ADARB2: variants seen among roughly 807,000 people sequenced by gnomAD.
ADARB2 encodes adenosine deaminase RNA specific B2 (inactive).
ADARB2 carries 25 observed loss-of-function variants against 62.2 expected under a neutral mutation model. That is an observed-to-expected ratio of 0.40 (90% CI 0.29 to 0.56). ADARB2 has a LOEUF of 0.56. ADARB2 is among the 20% of genes least tolerant of loss of function. The pLI is 0.43. For synonymous variants in ADARB2, 572 were observed against 500.8 expected (o/e 1.14, Z -1.90); for missense variants, 1,071 against 1,077.4 (o/e 0.99, Z 0.08).
chr10:1,572,391 C>T (rs757554987), intron 1 of ADARB2, among the ~76,000 whole-genome samples: 7 of 152,128 alleles, frequency 4.6e-5, no homozygotes, highest in South Asian at 2.1e-4. Flanking sequence ...TATGCTGTGA[C>T]GCCACCAGCA....
intron 1 of ADARB2, among the ~76,000 whole-genome samples, chr10:1,633,151 G>C (rs1032876100): frequency 2.6e-5 from 4 of 152,132 alleles, no homozygotes; most frequent in African/African-American, 9.7e-5. Flanking sequence ...GGGCTACACT[G>C]TTGGCTCCCC....
intron 6 of ADARB2, among the ~76,000 whole-genome samples, chr10:1,222,353 C>T (rs1320194690): frequency 1.3e-5 from 2 of 152,118 alleles, no homozygotes; most frequent in Non-Finnish European, 2.9e-5. Flanking sequence ...AATTTTCTCC[C>T]ATTTTGTAGT....
intron 1 of ADARB2, among the ~76,000 whole-genome samples, chr10:1,456,110 A>T (rs1831092302): frequency 6.6e-6 from 1 of 152,218 alleles, no homozygotes; most frequent in African/African-American, 2.4e-5. Flanking sequence ...ATGCATAATT[A>T]AAGATTTAAG....
intron 1 of ADARB2, among the ~76,000 whole-genome samples, chr10:1,435,465 G>A (rs1225247800): frequency 3.3e-5 from 5 of 149,570 alleles, no homozygotes; most frequent in South Asian, 2.1e-4. Context: ...GCTGCCCCGG[G>A]CTGAGCCTCC....
intron 1 of ADARB2, among the ~76,000 whole-genome samples, chr10:1,606,386 G>GC (rs1833494082): frequency 1.3e-5 from 2 of 152,198 alleles, no homozygotes; most frequent in Admixed American, 1.3e-4. Context: ...GGTGAGGAGT[G>GC]TGAAAGAATG....
chr10:1,708,291 CCTGGG>C (rs1319421875), intron 1 of ADARB2, among the ~76,000 whole-genome samples: 1 of 151,954 alleles, frequency 6.6e-6, no homozygotes, highest in African/African-American at 2.4e-5. Flanking sequence ...GAAAAGGGAC[CCTGGG>C]CTCCCAACGC....
chr10:1,658,949 T>C (rs1318435096), intron 1 of ADARB2, among the ~76,000 whole-genome samples: 1 of 152,178 alleles, frequency 6.6e-6, no homozygotes, highest in Non-Finnish European at 1.5e-5. Flanking sequence ...CTGAGATTGA[T>C]TTTTTCCCAG....
At chr10:1,276,400 G>A (rs1564244113) in intron 3 of ADARB2, among the ~76,000 whole-genome samples, 1 of 152,016 alleles carries the variant, frequency 6.6e-6, no homozygotes, top group Non-Finnish European at 1.5e-5. Context: ...TGTAGATTCT[G>A]GATATTAGTC....
intron 1 of ADARB2, among the ~76,000 whole-genome samples, chr10:1,504,733 C>T (rs1186378638): frequency 1.3e-5 from 2 of 152,180 alleles, no homozygotes; most frequent in African/African-American, 4.8e-5. Context: ...TATAAAGCTA[C>T]ATTTTTTTCA....
chr10:1,209,445 T>G (rs1205305131), intron 7 of ADARB2, among the ~76,000 whole-genome samples: 2 of 127,084 alleles, frequency 1.6e-5, no homozygotes, highest in Admixed American at 1.5e-4. Context: ...ACCTACAGCC[T>G]GGCCCACACC....
intron 6 of ADARB2, among the ~76,000 whole-genome samples, chr10:1,220,568 A>T (rs1830686207): frequency 6.6e-6 from 1 of 152,220 alleles, no homozygotes; most frequent in Non-Finnish European, 1.5e-5. Flanking sequence ...AGGAGCCATC[A>T]CACCTAACAG....
At chr10:1,476,427 C>T (rs917163086) in intron 1 of ADARB2, among the ~76,000 whole-genome samples, 1 of 152,178 alleles carries the variant, frequency 6.6e-6, no homozygotes, top group Non-Finnish European at 1.5e-5. Flanking sequence ...CAGTGTCCTG[C>T]GTGGTGACTG....
intron 3 of ADARB2, among the ~76,000 whole-genome samples, chr10:1,280,137 T>C (rs1291777497): frequency 6.6e-6 from 1 of 152,092 alleles, no homozygotes; most frequent in Non-Finnish European, 1.5e-5. Flanking sequence ...AGAACACTAA[T>C]CCCATCAGAT....
intron 1 of ADARB2, among the ~76,000 whole-genome samples, chr10:1,508,084 A>T (rs948535216): frequency 2.0e-5 from 3 of 152,202 alleles, no homozygotes; most frequent in South Asian, 4.1e-4. Context: ...TGCGTTCATC[A>T]GGAAGGTCAA....
At chr10:1,736,168 T>C (rs945383940) in intron 1 of ADARB2, among the ~76,000 whole-genome samples, 5 of 152,206 alleles carry the variant, frequency 3.3e-5, no homozygotes, top group Non-Finnish European at 5.9e-5. Context: ...TAACACAGGT[T>C]CCTCTAGGAG....
At chr10:1,479,382 C>T (rs1404234162) in intron 1 of ADARB2, among the ~76,000 whole-genome samples, 1 of 152,198 alleles carries the variant, frequency 6.6e-6, no homozygotes, top group Non-Finnish European at 1.5e-5. Context: ...ATAGCAGATT[C>T]CTTTCAGACC....
intron 4 of ADARB2, among the ~76,000 whole-genome samples, chr10:1,260,111 TA>T (rs964730654): frequency 3.1e-5 from 4 of 129,770 alleles, no homozygotes; most frequent in African/African-American, 5.9e-5. Flanking sequence ...CCCTTCATGC[TA>T]AAAAAACCTC....
chr10:1,658,548 TTCTC>T (rs1022686472), intron 1 of ADARB2, among the ~76,000 whole-genome samples: 1 of 152,162 alleles, frequency 6.6e-6, no homozygotes, highest in Admixed American at 6.5e-5. Flanking sequence ...CTGTCTCTGA[TTCTC>T]TCTGTCTCTC....
At chr10:1,355,577 C>T (rs1832187019) in intron 3 of ADARB2, among the ~76,000 whole-genome samples, 1 of 152,224 alleles carries the variant, frequency 6.6e-6, no homozygotes, top group Non-Finnish European at 1.5e-5. Context: ...CATCAGTAAT[C>T]ATGGCTGTGG....
Sources: allele counts gnomAD v4.1 joint callset (sites outside exome capture counted in the v4.1 genomes callset), GRCh38; gene constraint gnomAD v4.1.1; transcripts MANE v1.5; gene names NCBI Gene and HGNC (gene_info 2026-07-23, HGNC 2026-07-21).